The following TRIM36 variants were observed in gnomAD, a reference collection of about 807,000 sequenced individuals.
The protein encoded by TRIM36 is tripartite motif containing 36.
In TRIM36, 42 loss-of-function variants were observed where a neutral mutation model predicts 72.4. The observed-to-expected ratio is 0.58, with a 90% confidence interval of 0.45 to 0.75. The LOEUF (loss-of-function observed/expected upper bound fraction) is 0.75. TRIM36 is among the 30% of genes least tolerant of loss of function. The pLI, the probability that TRIM36 is intolerant of heterozygous loss-of-function variation, is 0.00. For synonymous variants in TRIM36, 315 were observed against 282.8 expected (o/e 1.11, Z -1.14); for missense variants, 913 against 857.1 (o/e 1.07, Z -0.81).
chr5:115,175,987 A>G (rs1366019005), intron 1 of TRIM36, among the ~76,000 whole-genome samples: 1 of 152,058 alleles, frequency 6.6e-6, no homozygotes, highest in Non-Finnish European at 1.5e-5. Flanking sequence ...TTAGCCGGGC[A>G]TGGTGGCGTG....
upstream of TRIM36, among the ~76,000 whole-genome samples, chr5:115,172,043 T>TAAAG (rs1178140678): frequency 6.6e-6 from 1 of 152,220 alleles, no homozygotes; most frequent in Non-Finnish European, 1.5e-5. Context: ...CTTGTTTTAA[T>TAAAG]TTTGTGTTTG....
intron 3 of TRIM36, among the ~76,000 whole-genome samples, chr5:115,146,210 T>C (rs916347535): frequency 1.3e-5 from 2 of 152,242 alleles, no homozygotes; most frequent in Non-Finnish European, 2.9e-5. Context: ...CAAAATGTGA[T>C]AGCACAGATT....
chr5:115,160,117 T>C (rs1754400444), intron 2 of TRIM36, among the ~76,000 whole-genome samples: 1 of 152,024 alleles, frequency 6.6e-6, no homozygotes, highest in Non-Finnish European at 1.5e-5. Context: ...TGATCAAAAG[T>C]ATACAGTAAT....
upstream of TRIM36, among the ~76,000 whole-genome samples, chr5:115,170,643 ACC>A (rs979361593): frequency 6.6e-6 from 1 of 151,878 alleles, no homozygotes; most frequent in Non-Finnish European, 1.5e-5. Context: ...CTGCTTCTAT[ACC>A]CCCAAGTCGC....
chr5:115,161,888 A>G (rs1339534563), intron 2 of TRIM36, among the ~76,000 whole-genome samples: 4 of 152,222 alleles, frequency 2.6e-5, no homozygotes, highest in African/African-American at 7.2e-5. Flanking sequence ...GGCTCTCTTC[A>G]TTAATGCACC....
chr5:115,130,774 T>C lies in TRIM36; in HGVS notation c.1614A>G (p.Glu538=), dbSNP rs1185741024. 1 of 1,614,106 alleles carries C rather than the reference T, an allele frequency of 6.2e-7. No individual in the cohort carries two copies. The highest frequency in any genetic ancestry group is 8.5e-7 in the Non-Finnish European group (1 of 1,180,020). The change falls in exon 9 of 10, where the codon GAA becomes GAG. Residue 538 remains glutamate (E), a synonymous_variant. Coordinates refer to ENST00000513154, the MANE Select transcript of TRIM36 (RefSeq NM_001300759.2). ...TTGTGTAATAACCCACTTGGATGCG[T>C]TCTGCAGCAAGCAGAAGATTAAATC... ...RAGFNLLLAA[E]RIQVGYYTSL... is the part of the protein sequence containing the mutation.
At chr5:115,151,750 T>C (rs958051059) in intron 2 of TRIM36, among the ~76,000 whole-genome samples, 6 of 152,304 alleles carry the variant, frequency 3.9e-5, no homozygotes, top group African/African-American at 1.4e-4. Flanking sequence ...GAGCCTGGTA[T>C]ACTTGCTGGG....
chr5:115,144,071 T>A (rs1189581127), intron 4 of TRIM36, among the ~76,000 whole-genome samples: 1 of 151,998 alleles, frequency 6.6e-6, no homozygotes, highest in African/African-American at 2.4e-5. Context: ...AGATGGGGTT[T>A]CACCGTGTTA....
intron 1 of TRIM36, chr5:115,177,734 A>C (rs754024331): frequency 1.9e-6 from 3 of 1,613,404 alleles, no homozygotes; most frequent in South Asian, 1.1e-5. Context: ...CCCACAAAAC[A>C]GAGAGAGGAA....
chr5:115,169,540 G>A (rs1754977977), intron 1 of TRIM36, 68 bp downstream of exon 1: 4 of 1,469,830 alleles, frequency 2.7e-6, no homozygotes, highest in Non-Finnish European at 3.6e-6. Context: ...TCCCGGCGGA[G>A]GAAAGAGAAA....
intron 2 of TRIM36, among the ~76,000 whole-genome samples, chr5:115,157,192 G>A (rs1308893272): frequency 6.7e-6 from 1 of 150,194 alleles, no homozygotes; most frequent in African/African-American, 2.4e-5. Context: ...CAGTGAACAA[G>A]GAACACTTCC....
chr5:115,128,096 G>GGT (rs1554060428), intron 9 of TRIM36, among the ~76,000 whole-genome samples: 2 of 148,410 alleles, frequency 1.3e-5, no homozygotes, highest in South Asian at 4.5e-4. Context: ...AATTGGGGGG[G>GGT]GCCAGGAGTG....
intron 2 of TRIM36, among the ~76,000 whole-genome samples, chr5:115,154,551 T>C (rs980820201): frequency 6.6e-6 from 1 of 152,156 alleles, no homozygotes; most frequent in Non-Finnish European, 1.5e-5. Context: ...AAGGCTGCTG[T>C]GACTACCTTT....
chr5:115,164,042 C>T (rs1291312227), intron 1 of TRIM36, among the ~76,000 whole-genome samples: 2 of 152,116 alleles, frequency 1.3e-5, no homozygotes, highest in South Asian at 2.1e-4. Flanking sequence ...AGCCATCATT[C>T]GAATCTCCAT....
chr5:115,130,927 A>T, intron 8 of TRIM36, 38 bp from the exon 9 acceptor site: 1 of 1,572,672 alleles, frequency 6.4e-7, no homozygotes, highest in South Asian at 1.2e-5. Context: ...GCTAAAAATT[A>T]TCATTGCTCT....
At position 115,130,721 on chromosome 5, in the gene TRIM36, C is replaced by A; in HGVS notation, c.1667G>T (p.Gly556Val). 1.2e-6 allele frequency: 2 copies of A among 1,614,096 alleles called. No individual in the cohort carries two copies. The highest frequency in any genetic ancestry group is 1.1e-5 in the South Asian group (1 of 91,076). ...TSLDYIIGDT[G>V]ITKGKHFWAF... Reference sequence around the variant, plus strand: ...CCAGAAGTGTTTTCCTTTTGTAATGCCAGTATCTCCAATGATGTAGTCTAA... The same window carrying A: ...CCAGAAGTGTTTTCCTTTTGTAATGACAGTATCTCCAATGATGTAGTCTAA... The change falls in exon 9 of 10, where the codon GGC becomes GTC. Residue 556 changes from glycine to valine, a missense_variant. Transcript: ENST00000513154.
Position 115,163,574 on chromosome 5 carries a change from G to C in TRIM36, c.206C>G (p.Pro69Arg). Residue 69 changes from proline (P) to arginine (R), a missense_variant, in exon 2 of 10, where the codon CCT (proline) becomes CGT (arginine). Transcript: ENST00000513154. ...VGSDNSNQSS[P>R]RLRLPSPSMD... ...ACTAGGGGAGGGGAGCCGAAGTCGAGGACTGCTTTGATTGGAGTTGTCTGA... is the reference window on the plus strand; with the variant it reads ...ACTAGGGGAGGGGAGCCGAAGTCGACGACTGCTTTGATTGGAGTTGTCTGA... The C allele has an allele frequency of 6.2e-7, 1 of 1,614,178 alleles. No individual in the cohort carries two copies. The highest frequency in any genetic ancestry group is 8.5e-7 in the Non-Finnish European group (1 of 1,180,040).
intron 1 of TRIM36, among the ~76,000 whole-genome samples, chr5:115,175,804 AATAC>A (rs1227712326): frequency 6.6e-6 from 1 of 152,142 alleles, no homozygotes; most frequent in African/African-American, 2.4e-5. Context: ...ACCCAATTTC[AATAC>A]ATATATTTAA....
chr5:115,166,748 C>T (rs1243651943), intron 1 of TRIM36, among the ~76,000 whole-genome samples: 1 of 152,232 alleles, frequency 6.6e-6, no homozygotes, highest in African/African-American at 2.4e-5. Flanking sequence ...GACTTAGGAG[C>T]TCCCCAAGCC....
Sources: allele counts gnomAD v4.1 joint callset (sites outside exome capture counted in the v4.1 genomes callset), GRCh38; gene constraint gnomAD v4.1.1; transcripts MANE v1.5; gene names NCBI Gene and HGNC (gene_info 2026-07-23, HGNC 2026-07-21).